PUDP: variants seen among roughly 807,000 people sequenced by gnomAD.
The protein encoded by PUDP is pseudouridine 5'-phosphatase, also known as pseudouridine-5'-phosphatase.
Under a neutral mutation model 9.4 loss-of-function variants are expected in PUDP, and 8 were observed. That is an observed-to-expected ratio of 0.85 (90% confidence interval 0.50 to 1.53). The LOEUF is 1.53. PUDP is among the 40% of genes most tolerant of loss of function. PUDP has a pLI of 0.00. For synonymous variants in PUDP, 99 were observed against 80.7 expected (o/e 1.23, Z -1.22); for missense variants, 188 against 189.7 (o/e 0.99, Z 0.05).
In PUDP at chrX:6,785,474, T is replaced by G. The variant is rs759058405; in HGVS notation, c.*248-79008A>C. Among the ~76,000 whole-genome samples the G allele has an allele frequency of 3.6e-5, 4 of 112,027 alleles. No individual in the cohort carries two copies. The South Asian group carries it at 1.5e-3, about 41-fold the overall frequency. On this transcript the variant is annotated intron_variant and NMD_transcript_variant, in intron 3 of 3. Coordinates refer to the PUDP transcript ENST00000655425. ...TATATTTCTTTTTTAATGGTTTTCA[T>G]TTTCATAGAAATTGACATTTCTTGC...
At chrX:7,103,781 C>G (rs1409922341) in intron 2 of PUDP, among the ~76,000 whole-genome samples, 1 of 112,077 alleles carries the variant, frequency 8.9e-6, no homozygotes, top group East Asian at 2.8e-4. Context: ...AAATGGCCAA[C>G]AAGCAAATGA....
chrX:6,992,620 G>C (rs957133517), intron 1 of PUDP, among the ~76,000 whole-genome samples: 9 of 110,739 alleles, frequency 8.1e-5, no homozygotes, highest in African/African-American at 1.3e-4. Context: ...GCCAAAGGCA[G>C]TGGGGTGTAG....
intron 1 of PUDP, among the ~76,000 whole-genome samples, chrX:7,041,865 CTCTTT>C (rs1203423069): frequency 7.4e-5 from 3 of 40,423 alleles, no homozygotes; most frequent in South Asian, 3.2e-3. Flanking sequence ...CTCTCTCTCT[CTCTTT>C]TTTTTTTTTT....
chrX:7,080,550 C>T (rs1288795288), intron 2 of PUDP, among the ~76,000 whole-genome samples: 3 of 111,828 alleles, frequency 2.7e-5, no homozygotes, highest in Non-Finnish European at 3.8e-5. Context: ...CATACCTCCA[C>T]GCATAAAAAC....
intron 1 of PUDP, chrX:7,147,747 C>T (rs1932901658): frequency 8.9e-6 from 1 of 112,811 alleles, no homozygotes; most frequent in Admixed American, 9.3e-5. Context: ...CGCGCCCGCC[C>T]GGTGGACCCC....
chrX:6,976,499 C>T (rs1457625912), intron 3 of PUDP, among the ~76,000 whole-genome samples: 3 of 111,933 alleles, frequency 2.7e-5, no homozygotes, highest in African/African-American at 9.7e-5. Context: ...CAACGCCCCA[C>T]CCTGTTTCTG....
At chrX:7,144,939 A>C (rs1932832948) in intron 1 of PUDP, among the ~76,000 whole-genome samples, 1 of 111,172 alleles carries the variant, frequency 9.0e-6, no homozygotes, top group Non-Finnish European at 1.9e-5. Context: ...CTAATTCTGA[A>C]TATTCTTAAC....
At chrX:6,750,441 G>GA (rs1368522227) in intron 3 of PUDP, among the ~76,000 whole-genome samples, 1 of 110,769 alleles carries the variant, frequency 9.0e-6, no homozygotes, top group Non-Finnish European at 1.9e-5. Context: ...CCCAAACGAA[G>GA]AGAGTAAACC....
intron 1 of PUDP, chrX:6,706,565 T>C (rs150293591): frequency 2.7e-5 from 3 of 112,362 alleles, no homozygotes; most frequent in African/African-American, 9.7e-5. Flanking sequence ...TCAGTCATCA[T>C]ATATGATAAT....
chrX:7,110,685 G>C (rs1371126383), intron 1 of PUDP, among the ~76,000 whole-genome samples: 1 of 110,915 alleles, frequency 9.0e-6, no homozygotes, highest in Non-Finnish European at 1.9e-5. Flanking sequence ...AGGGAGATAG[G>C]GGTGCGGCAG....
At chrX:6,817,299 C>T (rs1174981163) in intron 3 of PUDP, among the ~76,000 whole-genome samples, 4 of 110,433 alleles carry the variant, frequency 3.6e-5, no homozygotes. Flanking sequence ...TCTCAAACTC[C>T]TGGCCTCAAG....
Position 6,942,760 on chromosome X carries a change from G to C in PUDP, c.*247+34373C>G, listed in dbSNP as rs141343790. ...TGGTGTCTTCATAAGAAGTGGGGAA[G>C]ACACAGAGAAACACACACAGGGAAG... On this transcript the variant is annotated intron_variant and NMD_transcript_variant, in intron 3 of 3. Transcript: ENST00000655425. 5.6e-3 allele frequency among the ~76,000 whole-genome samples: 627 copies of C among 111,755 alleles called. 3 individuals are homozygous for C. Among genetic ancestry groups the C allele is most frequent in the African/African-American group, 0.02 (602 of 30,778 alleles).
chrX:7,055,251 T>C (rs1033742027), intron 3 of PUDP, among the ~76,000 whole-genome samples: 1 of 110,327 alleles, frequency 9.1e-6, no homozygotes, highest in Admixed American at 9.7e-5. Context: ...TTTATTTTCT[T>C]TTTTTTTTGT....
intron 3 of PUDP, among the ~76,000 whole-genome samples, chrX:6,965,102 A>C (rs1249063581): frequency 8.9e-6 from 1 of 112,219 alleles, no homozygotes; most frequent in East Asian, 2.8e-4. Flanking sequence ...CTTTGGGGTC[A>C]CTGAAGTGTC....
At chrX:7,084,929 G>A (rs1931219214) in intron 2 of PUDP, 2 of 111,887 alleles carry the variant, frequency 1.8e-5, no homozygotes, top group South Asian at 7.5e-4. Flanking sequence ...AGTTCATGGT[G>A]GGGAGCCTTC....
At chrX:7,042,862 C>A (rs1449858782) in intron 1 of PUDP, among the ~76,000 whole-genome samples, 3 of 111,774 alleles carry the variant, frequency 2.7e-5, no homozygotes, top group Non-Finnish European at 5.6e-5. Flanking sequence ...CTTTCCCTTG[C>A]TAGCCTGTGT....
intron 3 of PUDP, among the ~76,000 whole-genome samples, chrX:6,975,338 T>G (rs938779337): frequency 5.4e-5 from 6 of 111,606 alleles, no homozygotes; most frequent in African/African-American, 2.0e-4. Flanking sequence ...TTTCCTCATC[T>G]TTGTGGAATT....
At chrX:7,075,313 T>C (rs941463137) in intron 3 of PUDP, among the ~76,000 whole-genome samples, 26 of 111,519 alleles carry the variant, frequency 2.3e-4, no homozygotes, top group Non-Finnish European at 4.1e-4. Flanking sequence ...AAGACCAGCC[T>C]GGCCAACATG....
chrX:6,721,955 A>T (rs1178403590), upstream of PUDP, among the ~76,000 whole-genome samples: 1 of 111,425 alleles, frequency 9.0e-6, no homozygotes, highest in Non-Finnish European at 1.9e-5. Flanking sequence ...GATAGACTAC[A>T]CTTAGCAGAA....
Sources: allele counts gnomAD v4.1 joint callset (sites outside exome capture counted in the v4.1 genomes callset), GRCh38; gene constraint gnomAD v4.1.1; transcripts MANE v1.5; gene names NCBI Gene and HGNC (gene_info 2026-07-23, HGNC 2026-07-21).